The following MRO variants were observed in gnomAD, a reference collection of about 807,000 sequenced individuals.
The protein encoded by MRO is maestro, also known as protein maestro.
A neutral mutation model predicts 31.0 loss-of-function variants in MRO; 28 were observed. That is an observed-to-expected ratio of 0.90 (90% CI 0.67 to 1.24). The LOEUF (loss-of-function observed/expected upper bound fraction) is 1.24. Among genes scored for constraint, MRO ranks in the 50% most tolerant of loss-of-function variants. The probability of loss-of-function intolerance (pLI) is 0.00; values close to 1 mark genes in which losing one functional copy is unlikely to be tolerated. For missense variants in MRO, 332 were observed against 289.2 expected, an observed-to-expected ratio of 1.15 and a Z score of -1.07; for synonymous variants, 108 against 108.4, an observed-to-expected ratio of 1.00 and a Z score of 0.02.
chr18:50,825,114 T>A (rs1377118655), intron 1 of MRO, among the ~76,000 whole-genome samples: 2 of 151,872 alleles, frequency 1.3e-5, no homozygotes, highest in Non-Finnish European at 2.9e-5. Flanking sequence ...AAGTTCAAGT[T>A]TAAATGCCTT....
In MRO at chr18:50,799,914, A is replaced by G. The variant is rs140253325; in HGVS notation, c.693+122T>C. ...AGAAAAAAAGAAAAAATAAAAAAAT[A>G]AACATAGTTGGCCTGAGTCATTTTA... On this transcript the variant is annotated intron_variant, in intron 7 of 7. Transcript: ENST00000398439. The G allele has an allele frequency of 9.0e-4, 620 of 689,008 alleles. 1 individual carries two copies. Among genetic ancestry groups the G allele is most frequent in the Admixed American group, 1.6e-3 (61 of 37,778 alleles). The allele number at this position is 689,008 out of a possible 1,614,324, so 42.7% of individuals were successfully genotyped here. A position where few individuals can be genotyped will look rare whatever the true frequency, so the allele number is the denominator to read the frequency against.
upstream of MRO, among the ~76,000 whole-genome samples, chr18:50,821,982 C>CT (rs1302346232): frequency 3.9e-5 from 6 of 152,144 alleles, no homozygotes; most frequent in African/African-American, 1.4e-4. Context: ...CCACAAGAGT[C>CT]TAAGATTCTC....
Position 50,801,335 on chromosome 18 carries a change from AGTCAAG to A in MRO, c.585+8_585+13del. ...GGAGATGTCACTCTGTTGGTTGCAG[AGTCAAG>A]GTCTTACCTTGGCAACCTGGGGATT... On this transcript the variant is annotated splice_region_variant and intron_variant, in intron 6 of 7. Transcript: ENST00000398439. The A allele has an allele frequency of 6.5e-7, 1 of 1,545,926 alleles. No individual in the cohort carries two copies. Among genetic ancestry groups the A allele is most frequent in the South Asian group, 1.2e-5 (1 of 81,402 alleles).
chr18:50,810,582 G>A (rs574879955), intron 2 of MRO, among the ~76,000 whole-genome samples: 20 of 152,264 alleles, frequency 1.3e-4, no homozygotes, highest in African/African-American at 3.6e-4. Context: ...TTTTGTATAT[G>A]TACAGCTTGT....
At chr18:50,819,201 C>G (rs1476209962) in intron 2 of MRO, among the ~76,000 whole-genome samples, 1 of 152,182 alleles carries the variant, frequency 6.6e-6, no homozygotes, top group East Asian at 1.9e-4. Flanking sequence ...CTTTCAGTCA[C>G]TGTGCTATAA....
upstream of MRO, among the ~76,000 whole-genome samples, chr18:50,820,286 A>G (rs1252702753): frequency 1.3e-5 from 2 of 152,184 alleles, no homozygotes; most frequent in African/African-American, 2.4e-5. Context: ...TGCTCAAGAA[A>G]CACCGTATGT....
At position 50,795,456 on chromosome 18, in the gene MRO, G is replaced by A. The variant is rs545590231; in HGVS notation, c.*3881C>T. The A allele has an allele frequency of 3.9e-5, 6 of 152,252 alleles. No individual in the cohort carries two copies. The South Asian group carries it at 8.3e-4, about 21-fold the overall frequency. 9.4% of individuals were successfully genotyped at this position (152,252 alleles called of 1,614,324 possible). ...CTACCCTACACAGCTGTTGTTTCTC[G>A]CTTTCAAAACATTCTAGTGCTTTTT... is the stretch of plus-strand genomic sequence containing the variant. On this transcript the variant is annotated 3_prime_UTR_variant, in exon 8 of 8. Coordinates refer to ENST00000398439, the MANE Select transcript of MRO (RefSeq NM_031939.6).
intron 6 of MRO, 145 bp from the exon 7 acceptor site, chr18:50,800,288 A>G: frequency 1.7e-6 from 1 of 595,932 alleles, no homozygotes; most frequent in South Asian, 2.4e-5. Context: ...TCAAAATTTG[A>G]ATCTTAAAGG....
At chr18:50,817,575 C>T (rs563938270) in intron 2 of MRO, among the ~76,000 whole-genome samples, 1 of 151,566 alleles carries the variant, frequency 6.6e-6, no homozygotes, top group Non-Finnish European at 1.5e-5. Flanking sequence ...CAGGGAGTGT[C>T]GGGCCTGAGC....
intron 2 of MRO, 81 bp from the exon 3 acceptor site, chr18:50,809,485 G>C: frequency 1.1e-6 from 1 of 949,468 alleles, no homozygotes; most frequent in Middle Eastern, 2.2e-4. Context: ...CATTGTGCTG[G>C]GGTAAGAATA....
At chr18:50,807,138 A>G (rs1211764966) in intron 3 of MRO, among the ~76,000 whole-genome samples, 2 of 152,144 alleles carry the variant, frequency 1.3e-5, no homozygotes, top group Non-Finnish European at 2.9e-5. Flanking sequence ...ATAGAAGTTG[A>G]AAAAAAGAGG....
chr18:50,823,322 A>G (rs1915378337), upstream of MRO, among the ~76,000 whole-genome samples: 1 of 152,198 alleles, frequency 6.6e-6, no homozygotes, highest in Admixed American at 6.5e-5. Context: ...AATGCAATAG[A>G]TGCTGCAGGA....
In MRO at chr18:50,797,397, T is replaced by C. The variant is rs1460123848; in HGVS notation, c.*1940A>G. ...CCCGGCACAGTGCCATTTATCACAA[T>C]CTCCTGATTAAAGCAAGTCACAAAG... On this transcript the variant is annotated 3_prime_UTR_variant, in exon 8 of 8. Transcript: ENST00000398439. 1 of 152,096 alleles carries C rather than the reference T, an allele frequency of 6.6e-6. No individual in the cohort carries two copies. Among genetic ancestry groups the C allele is most frequent in the Non-Finnish European group, 1.5e-5 (1 of 68,034 alleles). The allele number at this position is 152,096 out of a possible 1,614,324, so 9.4% of individuals were successfully genotyped here.
rs1379001359 is a variant in MRO at position 50,809,327 on chromosome 18, G to A, written c.74C>T (p.Thr25Ile). ...IPTSQPKQKRTSMISFFSKVS... is the reference protein window; with the variant it reads ...IPTSQPKQKRISMISFFSKVS... The stretch of plus-strand genomic sequence containing the variant: ...CTTGGAAAAGAAAGATATCATTGAT[G>A]TCCTTTTCTGCTTGGGCTGGGAAGT... The change falls in exon 3 of 8, where the codon ACA (threonine) becomes ATA (isoleucine). Residue 25 changes from threonine (T) to isoleucine (I), a missense_variant. Transcript: ENST00000398439. The A allele has an allele frequency of 3.1e-6, 5 of 1,613,356 alleles. No individual in the cohort carries two copies. Among genetic ancestry groups the A allele is most frequent in the Non-Finnish European group, 4.2e-6 (5 of 1,179,630 alleles).
chr18:50,807,150 C>T (rs1914021599), intron 3 of MRO, among the ~76,000 whole-genome samples: 1 of 152,116 alleles, frequency 6.6e-6, no homozygotes, highest in Non-Finnish European at 1.5e-5. Context: ...AAAAAGAGGA[C>T]TTGATCAGTG....
chr18:50,801,478 G>A lies in MRO; in HGVS notation c.456C>T (p.Ala152=), dbSNP rs771354974. 1.2e-6 allele frequency: 2 copies of A among 1,608,008 alleles called. No homozygotes were observed. The highest frequency in any genetic ancestry group is 1.7e-6 in the Non-Finnish European group (2 of 1,177,472). ...DDENDSLRYS[A]FVLFGQLAAF... ...CAGCCAATTGCCCAAACAAAACAAAGGCCGAGTATCTCAGACTGTCGTTCT... is the reference window on the plus strand; with the variant it reads ...CAGCCAATTGCCCAAACAAAACAAAAGCCGAGTATCTCAGACTGTCGTTCT... Residue 152 remains alanine (A), a synonymous_variant, in exon 6 of 8, where the codon GCC becomes GCT. Transcript: ENST00000398439.
At position 50,800,108 on chromosome 18, in the gene MRO, A is replaced by G. The variant is rs200694899; in HGVS notation, c.621T>C (p.Tyr207=). The G allele has an allele frequency of 1.3e-5, 21 of 1,613,654 alleles. No individual in the cohort carries two copies. The highest frequency in any genetic ancestry group is 2.2e-5 in the East Asian group (1 of 44,862). The change falls in exon 7 of 8, where the codon TAT becomes TAC. Residue 207 remains tyrosine (Y), a synonymous_variant. Transcript: ENST00000398439. The stretch of plus-strand genomic sequence containing the variant: ...AGCTGTATTCCTCCTTTAGTTTCAG[A>G]TATGGAGAACAGGCTTGAAATGTTG... ...CKTTFQACSP[Y]LKLKEEYSFQ... is the part of the protein sequence containing the mutation.
chr18:50,815,686 G>A (rs1386817261), intron 2 of MRO: 10 of 421,468 alleles, frequency 2.4e-5, no homozygotes, highest in Admixed American at 1.0e-4. Flanking sequence ...TGTGGTGACC[G>A]TTATGGATCT....
intron 2 of MRO, among the ~76,000 whole-genome samples, chr18:50,818,748 G>T (rs1469432974): frequency 6.6e-6 from 1 of 152,122 alleles, no homozygotes; most frequent in African/African-American, 2.4e-5. Context: ...TTCCAACACT[G>T]AACTTATAAA....
Sources: gnomAD v4.1 joint callset for allele counts (sites outside exome capture counted in the v4.1 genomes callset) on GRCh38, gnomAD v4.1.1 for gene constraint, MANE v1.5 for transcripts, NCBI Gene and HGNC (gene_info 2026-07-23, HGNC 2026-07-21) for gene names.